Variants in EIF4G3 observed in about 807,000 individuals in gnomAD.
EIF4G3 encodes eukaryotic translation initiation factor 4 gamma 3.
Under a neutral mutation model 186.4 loss-of-function variants are expected in EIF4G3, and 34 were observed. The ratio of observed to expected loss-of-function variants is 0.18; its 90% CI spans 0.14 to 0.24. The LOEUF is 0.24. EIF4G3 is among the 10% of genes least tolerant of loss of function. The pLI is 1.00. For synonymous variants in EIF4G3, 673 were observed against 679.5 expected, an observed-to-expected ratio of 0.99 and a Z score of 0.15; for missense variants, 1,536 against 1,948.5, an observed-to-expected ratio of 0.79 and a Z score of 3.99.
chr1:20,920,401 T>C (rs757960639), intron 14 of EIF4G3, among the ~76,000 whole-genome samples: 4 of 152,320 alleles, frequency 2.6e-5, no homozygotes, highest in Admixed American at 1.3e-4. Flanking sequence ...AAGGCATCAT[T>C]ATGGCACAAA....
chr1:20,904,208 T>C (rs2091370898), intron 15 of EIF4G3, among the ~76,000 whole-genome samples: 1 of 152,206 alleles, frequency 6.6e-6, no homozygotes, highest in South Asian at 2.1e-4. Flanking sequence ...TCCTTTATAA[T>C]GTACTAGATG....
rs527287406 is a variant in EIF4G3 at position 21,034,808 on chromosome 1, C to T, written c.-67+16058G>A. Reference sequence around the variant, plus strand: ...GGCTCAGATTGGCACCACCGGAGATCGTGTCCCCAGGATCTGCCCCATGTC... The same window carrying T: ...GGCTCAGATTGGCACCACCGGAGATTGTGTCCCCAGGATCTGCCCCATGTC... On this transcript the variant is annotated intron_variant, in intron 4 of 36. Transcript: ENST00000602326. Among the ~76,000 whole-genome samples the T allele has an allele frequency of 1.3e-3, 191 of 152,300 alleles. 1 individual carries two copies. Among genetic ancestry groups the T allele is most frequent in the Non-Finnish European group, 2.3e-3 (159 of 68,012 alleles).
At chr1:20,984,557 TATAC>T (rs1269690174) in intron 7 of EIF4G3, among the ~76,000 whole-genome samples, 87 of 97,760 alleles carry the variant, frequency 8.9e-4, no homozygotes, top group African/African-American at 2.9e-3. Flanking sequence ...TATATATATA[TATAC>T]ACACACACAC....
At chr1:21,092,391 G>C (rs1444096965) in intron 2 of EIF4G3, among the ~76,000 whole-genome samples, 5 of 152,074 alleles carry the variant, frequency 3.3e-5, no homozygotes, top group Admixed American at 1.3e-4. Flanking sequence ...GATTCGGTTT[G>C]CCAGTATTTT....
chr1:21,171,357 A>G (rs552396980), intron 2 of EIF4G3, among the ~76,000 whole-genome samples: 119 of 152,336 alleles, frequency 7.8e-4, no homozygotes, highest in Middle Eastern at 3.4e-3. Context: ...ATAATGAACT[A>G]ACTGTATCAT....
chr1:20,992,712 T>C (rs888864518), intron 7 of EIF4G3, among the ~76,000 whole-genome samples: 4 of 152,230 alleles, frequency 2.6e-5, no homozygotes, highest in Non-Finnish European at 4.4e-5. Context: ...CACTTTAAAA[T>C]ACTATTTCCC....
At chr1:20,996,748 A>T (rs1167947378) in intron 7 of EIF4G3, among the ~76,000 whole-genome samples, 1 of 152,156 alleles carries the variant, frequency 6.6e-6, no homozygotes, top group East Asian at 1.9e-4. Context: ...ATTTATCTCC[A>T]TTTTACATAT....
intron 30 of EIF4G3, among the ~76,000 whole-genome samples, chr1:20,830,844 C>A (rs1347308943): frequency 6.6e-6 from 1 of 151,966 alleles, no homozygotes; most frequent in Non-Finnish European, 1.5e-5. Flanking sequence ...TAGAACAAGC[C>A]TGTAAGAAGC....
At chr1:20,844,930 TGTTG>T (rs1183706980) in intron 29 of EIF4G3, among the ~76,000 whole-genome samples, 1 of 152,220 alleles carries the variant, frequency 6.6e-6, no homozygotes, top group East Asian at 1.9e-4. Flanking sequence ...CTGTTTATTC[TGTTG>T]ATTGATAGTT....
At position 20,895,490 on chromosome 1, in the gene EIF4G3, G is replaced by A; in HGVS notation, c.2011C>T (p.Pro671Ser). Residue 671 changes from proline (P) to serine (S), a missense_variant, in exon 17 of 37, where the codon CCT (proline) becomes TCT (serine). Pro to Ser is a moderately conservative substitution (Grantham distance 74, BLOSUM62 -1). Transcript: ENST00000602326. ...TGCTTCTTACCTTCAGTATCAGTAG[G>A]CTTCCAGGATTCTAGAAAGAGGAAT... ...TFPFKPESWK[P>S]TDTEGKKQYD... 1.2e-6 allele frequency: 2 copies of A among 1,613,898 alleles called. No homozygotes were observed. Among genetic ancestry groups the A allele is most frequent in the Non-Finnish European group, 1.7e-6 (2 of 1,179,856 alleles).
intron 4 of EIF4G3, among the ~76,000 whole-genome samples, chr1:21,030,399 T>G (rs1000351221): frequency 6.6e-6 from 1 of 152,190 alleles, no homozygotes; most frequent in Non-Finnish European, 1.5e-5. Context: ...AAATGGGAGT[T>G]GCCCTACACA....
intron 10 of EIF4G3, among the ~76,000 whole-genome samples, chr1:20,978,691 A>C (rs1413177046): frequency 6.6e-6 from 1 of 151,894 alleles, no homozygotes; most frequent in Non-Finnish European, 1.5e-5. Context: ...AAAAAAAAAA[A>C]AAAAACCCAT....
intron 4 of EIF4G3, among the ~76,000 whole-genome samples, chr1:21,007,534 A>AC (rs2085544383): frequency 5.5e-5 from 8 of 144,196 alleles, no homozygotes; most frequent in African/African-American, 1.5e-4. Context: ...AAAAAAAAAA[A>AC]AAACACACTC....
At chr1:20,813,858 CA>C (rs1557732812) in intron 34 of EIF4G3, among the ~76,000 whole-genome samples, 1 of 147,066 alleles carries the variant, frequency 6.8e-6, no homozygotes, top group South Asian at 2.2e-4. Context: ...AAACAAAAAA[CA>C]AAAAACAAAA....
At chr1:20,857,053 CTTG>C (rs1377157787) in intron 25 of EIF4G3, among the ~76,000 whole-genome samples, 2 of 151,392 alleles carry the variant, frequency 1.3e-5, no homozygotes, top group Non-Finnish European at 2.9e-5. Context: ...GTCCCAGCTA[CTTG>C]GGAGGCTGAG....
chr1:21,111,977 C>G (rs2096734565), intron 2 of EIF4G3, among the ~76,000 whole-genome samples: 1 of 152,174 alleles, frequency 6.6e-6, no homozygotes, highest in African/African-American at 2.4e-5. Flanking sequence ...CCAATTGTCA[C>G]AGGCCAAAGA....
In EIF4G3 at chr1:20,852,701, CA is replaced by C. The variant is rs1476869248; in HGVS notation, c.3551+858del. Among the ~76,000 whole-genome samples the C allele has an allele frequency of 5.9e-5, 9 of 152,276 alleles. No homozygotes were observed. In the East Asian group the frequency reaches 1.7e-3, roughly 29 times the overall value. On this transcript the variant is annotated intron_variant, in intron 27 of 36. Transcript: ENST00000602326. ...TCTAACTATTGTGAAAGAACATACACAAGTGCTTAGGAAGCAGAACCATTAG... is the reference window on the plus strand; with the variant it reads ...TCTAACTATTGTGAAAGAACATACACAGTGCTTAGGAAGCAGAACCATTAG...
chr1:21,047,036 TA>T (rs2093932478), intron 4 of EIF4G3, among the ~76,000 whole-genome samples: 1 of 152,194 alleles, frequency 6.6e-6, no homozygotes, highest in African/African-American at 2.4e-5. Flanking sequence ...AGTAGAATTC[TA>T]ATTTCCCCCT....
At chr1:21,119,749 T>C (rs548768076) in intron 2 of EIF4G3, among the ~76,000 whole-genome samples, 62 of 152,264 alleles carry the variant, frequency 4.1e-4, no homozygotes, top group African/African-American at 1.5e-3. Context: ...ACGGAGGCTA[T>C]AAAAGAGAAA....
Sources: gnomAD v4.1 joint callset for allele counts (sites outside exome capture counted in the v4.1 genomes callset) on GRCh38, gnomAD v4.1.1 for gene constraint, MANE v1.5 for transcripts, NCBI Gene and HGNC (gene_info 2026-07-23, HGNC 2026-07-21) for gene names.